RANBP17: variants seen among roughly 807,000 people sequenced by gnomAD.
The protein encoded by RANBP17 is RAN binding protein 17.
In RANBP17, 158 loss-of-function variants were observed where a neutral mutation model predicts 141.2. The ratio of observed to expected loss-of-function variants is 1.12; its 90% CI spans 0.98 to 1.28. The LOEUF (loss-of-function observed/expected upper bound fraction) is 1.28. Among genes scored for constraint, RANBP17 ranks in the 50% most tolerant of loss-of-function variants. The pLI is 0.00. For missense variants in RANBP17, 1,438 were observed against 1,290.7 expected (o/e 1.11, Z -1.75); for synonymous variants, 430 against 450.0 (o/e 0.96, Z 0.56).
At chr5:171,022,301 A>G (rs1209126993) in intron 14 of RANBP17, among the ~76,000 whole-genome samples, 1 of 152,182 alleles carries the variant, frequency 6.6e-6, no homozygotes, top group Non-Finnish European at 1.5e-5. Flanking sequence ...GACCCATTTA[A>G]TGAAGCACTT....
rs558123618 is a variant in RANBP17, at chr5:170,956,686, G to A, written c.1574+2984G>A. ...GCTGGTCTCGAACTCTTGACCTCGGGTGATCTGCCTGCCTTGGCCTCCCAA... is the reference window on the plus strand; with the variant it reads ...GCTGGTCTCGAACTCTTGACCTCGGATGATCTGCCTGCCTTGGCCTCCCAA... On this transcript the variant is annotated intron_variant, in intron 13 of 27. Transcript: ENST00000523189. Among the ~76,000 whole-genome samples, 13 of 151,860 alleles carry A rather than the reference G, an allele frequency of 8.6e-5. No individual in the cohort carries two copies. The South Asian group carries it at 2.7e-3, about 32-fold the overall frequency.
At chr5:171,178,551 G>A (rs144835672) in intron 16 of RANBP17, among the ~76,000 whole-genome samples, 9,402 of 152,094 alleles carry the variant, frequency 0.062, 384 homozygotes, top group East Asian at 0.12. Flanking sequence ...TGGGATTGCT[G>A]GGTCAAATGG....
At chr5:171,070,980 T>A (rs1260844719) in intron 14 of RANBP17, among the ~76,000 whole-genome samples, 4 of 152,132 alleles carry the variant, frequency 2.6e-5, no homozygotes, top group Non-Finnish European at 5.9e-5. Flanking sequence ...GTAAACATTC[T>A]GGTACATAAC....
intron 25 of RANBP17, among the ~76,000 whole-genome samples, chr5:171,282,874 A>G (rs538547784): frequency 2.6e-5 from 4 of 152,058 alleles, no homozygotes; most frequent in Non-Finnish European, 4.4e-5. Context: ...TCACTACCAC[A>G]TCACTGCCAG....
intron 16 of RANBP17, among the ~76,000 whole-genome samples, chr5:171,181,634 T>TAC (rs1760867228): frequency 6.6e-6 from 1 of 152,246 alleles, no homozygotes; most frequent in Admixed American, 6.5e-5. Flanking sequence ...ACATGCTTCA[T>TAC]ATGCAACTGG....
chr5:170,866,999 G>C (rs1207844714), intron 1 of RANBP17: 1 of 152,280 alleles, frequency 6.6e-6, no homozygotes, highest in African/African-American at 2.4e-5. Context: ...ATGGGAATGG[G>C]GGACCACCAG....
In RANBP17 at chr5:170,878,093, G is replaced by A; in HGVS notation, c.19-4G>A. 1 of 1,515,126 alleles carries A rather than the reference G, an allele frequency of 6.6e-7. No homozygotes were observed. The highest frequency in any genetic ancestry group is 1.4e-5 in the South Asian group (1 of 73,482). The allele number at this position is 1,515,126 out of a possible 1,614,324, so 93.9% of individuals were successfully genotyped here. A position where few individuals can be genotyped will look rare whatever the true frequency, so the allele number is the denominator to read the frequency against. On this transcript the variant is annotated splice_polypyrimidine_tract_variant and splice_region_variant and intron_variant, in intron 1 of 27. Coordinates refer to ENST00000523189, the MANE Select transcript of RANBP17 (RefSeq NM_022897.5). ...GTAAAATGTTAATTTTTTTTTCTTTGAAGAGTTTGGCTGAATTGGAAGTGT... is the reference window on the plus strand; with the variant it reads ...GTAAAATGTTAATTTTTTTTTCTTTAAAGAGTTTGGCTGAATTGGAAGTGT...
chr5:170,947,101 A>G (rs1365530017), intron 12 of RANBP17, among the ~76,000 whole-genome samples: 2 of 152,218 alleles, frequency 1.3e-5, no homozygotes, highest in African/African-American at 2.4e-5. Context: ...AGGATCAACT[A>G]TATCATATCT....
At chr5:170,910,408 ACTATGT>A (rs1771435280) in intron 6 of RANBP17, 1 of 152,708 alleles carries the variant, frequency 6.5e-6, no homozygotes, top group Non-Finnish European at 1.5e-5. Flanking sequence ...CAACTGCCAC[ACTATGT>A]CAGACCCAAA....
intron 14 of RANBP17, among the ~76,000 whole-genome samples, chr5:171,037,239 A>G (rs539759977): frequency 7.2e-5 from 11 of 152,082 alleles, no homozygotes; most frequent in South Asian, 6.2e-4. Context: ...TTGGCTGCTT[A>G]TATGTCTTCT....
Position 170,977,741 on chromosome 5 carries a change from C to CA in RANBP17, c.1710+9371dup, listed in dbSNP as rs540166646. On this transcript the variant is annotated intron_variant, in intron 14 of 27. Coordinates refer to ENST00000523189, the MANE Select transcript of RANBP17 (RefSeq NM_022897.5). ...TACGCTAAGTCAAATAAGCCAGCCA[C>CA]AAAAAAACAAATACCACATGATTCC... is the stretch of plus-strand genomic sequence containing the variant. Among the ~76,000 whole-genome samples, 296 of 151,914 alleles carry CA rather than the reference C, an allele frequency of 1.9e-3. 1 individual carries two copies. The highest frequency in any genetic ancestry group is 6.7e-3 in the African/African-American group (278 of 41,482).
At chr5:171,102,070 T>C (rs536011594) in intron 14 of RANBP17, among the ~76,000 whole-genome samples, 4 of 152,342 alleles carry the variant, frequency 2.6e-5, no homozygotes, top group Non-Finnish European at 5.9e-5. Flanking sequence ...ATTATGTGTC[T>C]TGGGGTTGCT....
At chr5:171,196,818 ACTTTTTTTT>A (rs1762006137) in intron 18 of RANBP17, among the ~76,000 whole-genome samples, 1 of 152,094 alleles carries the variant, frequency 6.6e-6, no homozygotes, top group East Asian at 1.9e-4. Context: ...GCATAGATAA[ACTTTTTTTT>A]CTTTTTTTTA....
intron 14 of RANBP17, among the ~76,000 whole-genome samples, chr5:171,018,116 G>A (rs903016674): frequency 1.3e-5 from 2 of 152,092 alleles, no homozygotes; most frequent in Admixed American, 1.3e-4. Flanking sequence ...TGGTCTGTAT[G>A]TCTGTTTTGG....
Position 170,886,815 on chromosome 5 carries a change from A to G in RANBP17, c.256+4919A>G, listed in dbSNP as rs147722965. ...AGTTGGGACTACAGATGTGACTACC[A>G]TGCCTGGCTAAGTTTTTGTATTTTT... On this transcript the variant is annotated intron_variant, in intron 3 of 27. Transcript: ENST00000523189. Among the ~76,000 whole-genome samples the G allele has an allele frequency of 6.2e-3, 940 of 151,512 alleles. 9 individuals carry two copies. The highest frequency in any genetic ancestry group is 8.5e-3 in the Non-Finnish European group (580 of 67,838).
chr5:170,876,297 T>C (rs943511193), intron 1 of RANBP17, among the ~76,000 whole-genome samples: 4 of 152,060 alleles, frequency 2.6e-5, no homozygotes, highest in African/African-American at 4.8e-5. Context: ...GATACCTTGG[T>C]TATCAGTGTG....
chr5:171,252,847 C>A, intron 24 of RANBP17: 1 of 1,284,408 alleles, frequency 7.8e-7, no homozygotes, highest in Non-Finnish European at 1.1e-6. Flanking sequence ...AGTTAAGAGT[C>A]ATGATTTTTG....
intron 14 of RANBP17, among the ~76,000 whole-genome samples, chr5:171,061,664 A>G (rs900475346): frequency 1.3e-5 from 2 of 152,146 alleles, no homozygotes; most frequent in Admixed American, 1.3e-4. Flanking sequence ...AGAGTTCTGT[A>G]GGTGTCTATT....
At chr5:171,062,184 G>T (rs553902560) in intron 14 of RANBP17, among the ~76,000 whole-genome samples, 1 of 152,070 alleles carries the variant, frequency 6.6e-6, no homozygotes, top group East Asian at 1.9e-4. Context: ...TGTTATGTGT[G>T]AATTTGATCC....
Sources: gnomAD v4.1 joint callset for allele counts (sites outside exome capture counted in the v4.1 genomes callset) on GRCh38, gnomAD v4.1.1 for gene constraint, MANE v1.5 for transcripts, NCBI Gene and HGNC (gene_info 2026-07-23, HGNC 2026-07-21) for gene names.